The following ANKDD1A variants were observed in gnomAD, a reference collection of about 807,000 sequenced individuals.
ANKDD1A encodes ankyrin repeat and death domain containing 1A, also known as ankyrin repeat and death domain-containing protein 1A.
In ANKDD1A, 59 loss-of-function variants were observed where a neutral mutation model predicts 63.5. The ratio of observed to expected loss-of-function variants is 0.93; its 90% CI spans 0.75 to 1.15. ANKDD1A has a LOEUF of 1.15. Ranked by LOEUF, ANKDD1A falls within the 50% of genes most tolerant of loss-of-function variation. The probability of loss-of-function intolerance (pLI) is 0.00; values close to 1 mark genes in which losing one functional copy is unlikely to be tolerated. For missense variants in ANKDD1A, 632 were observed against 656.4 expected (o/e 0.96, Z 0.41); for synonymous variants, 266 against 263.9 (o/e 1.01, Z -0.08).
In ANKDD1A at chr15:64,931,556, G is replaced by T. The variant is rs780975996; in HGVS notation, c.739G>T (p.Ala247Ser). The T allele has an allele frequency of 1.2e-6, 2 of 1,614,022 alleles. No homozygotes were observed. The highest frequency in any genetic ancestry group is 1.7e-6 in the Non-Finnish European group (2 of 1,180,016). The change falls in exon 8 of 15, where the codon GCT becomes TCT. Residue 247 changes from alanine to serine, a missense_variant. Ala to Ser is a moderately conservative substitution (Grantham distance 99). Coordinates refer to ENST00000319580, the MANE Select transcript of ANKDD1A (RefSeq NM_182703.6). ...TGACTGTGTGCAGCTCCTCCTCAGG[G>T]CTGGGAGCACCGTGAATGCCCTCAC... ...HPDCVQLLLRAGSTVNALTQK... is the reference protein window; with the variant it reads ...HPDCVQLLLRSGSTVNALTQK...
intron 14 of ANKDD1A, among the ~76,000 whole-genome samples, chr15:64,955,874 A>G (rs1488745661): frequency 1.3e-5 from 2 of 152,220 alleles, no homozygotes; most frequent in African/African-American, 2.4e-5. Flanking sequence ...ATCCTACTCT[A>G]GGAATTTTTC....
intron 9 of ANKDD1A, among the ~76,000 whole-genome samples, chr15:64,936,676 C>A (rs2085135832): frequency 6.6e-6 from 1 of 151,850 alleles, no homozygotes; most frequent in African/African-American, 2.4e-5. Flanking sequence ...CCCGTATCTA[C>A]AAAAAATTTA....
chr15:64,922,073 A>G (rs903207768), intron 4 of ANKDD1A, 54 bp downstream of exon 4: 2 of 1,546,878 alleles, frequency 1.3e-6, no homozygotes, highest in African/African-American at 2.7e-5. Flanking sequence ...GCCTGGATGC[A>G]CAGGTCTCCC....
At chr15:64,927,882 C>T (rs1055883851) in intron 6 of ANKDD1A, among the ~76,000 whole-genome samples, 5 of 152,216 alleles carry the variant, frequency 3.3e-5, no homozygotes, top group East Asian at 1.9e-4. Flanking sequence ...TGGGATTACA[C>T]GCGTAAGCCA....
At chr15:64,930,734 C>G in intron 6 of ANKDD1A, 88 bp from the exon 7 acceptor site, 1 of 1,330,738 alleles carries the variant, frequency 7.5e-7, no homozygotes, top group Non-Finnish European at 1.0e-6. Flanking sequence ...GTGGCACTGA[C>G]CCAGTGTGCA....
chr15:64,923,497 T>A (rs1309006750), intron 4 of ANKDD1A, among the ~76,000 whole-genome samples: 1 of 152,188 alleles, frequency 6.6e-6, no homozygotes, highest in Non-Finnish European at 1.5e-5. Flanking sequence ...TTTTTTGCAT[T>A]TAAGTAAATA....
At position 64,951,371 on chromosome 15, in the gene ANKDD1A, TTC is replaced by T. The variant is rs1491067132; in HGVS notation, c.1483+1401_1483+1402del. On this transcript the variant is annotated intron_variant, in intron 14 of 14. Transcript: ENST00000319580. ...TCCTCTTCTTTCTTCTTCCTCTTTC[TTC>T]TTTCTTTTTCTTTTCTTCTTCCTCT... 35 of 445,610 alleles carry T rather than the reference TTC, an allele frequency of 7.9e-5. 2 individuals are homozygous for T. In the Middle Eastern group the frequency reaches 3.3e-3, roughly 42 times the overall value. 27.6% of individuals were successfully genotyped at this position (445,610 alleles called of 1,614,324 possible).
rs766001684 is a variant in ANKDD1A at position 64,915,829 on chromosome 15, G to A, written c.67G>A (p.Ala23Thr). The A allele has an allele frequency of 3.0e-5, 49 of 1,613,836 alleles. No individual in the cohort carries two copies. Among genetic ancestry groups the A allele is most frequent in the South Asian group, 8.8e-5 (8 of 91,074 alleles). The change falls in exon 2 of 15, where the codon GCC (alanine) becomes ACC (threonine). Residue 23 changes from alanine (A) to threonine (T), a missense_variant. Transcript: ENST00000319580. Reference sequence around the variant, plus strand: ...TCTGGAGAGGCAGCTCCACGAGGCCGCCCGCCAGAACAATGTCGGCAGGAT... The same window carrying A: ...TCTGGAGAGGCAGCTCCACGAGGCCACCCGCCAGAACAATGTCGGCAGGAT... ...LPLERQLHEA[A>T]RQNNVGRMQE... is the part of the protein sequence containing the mutation.
intron 4 of ANKDD1A, chr15:64,922,367 T>C (rs866271249): frequency 4.9e-6 from 1 of 206,062 alleles, no homozygotes; most frequent in Non-Finnish European, 9.7e-6. Context: ...AAAGCATCAT[T>C]TACCAAGTGT....
At chr15:64,916,180 G>A (rs867025760) in intron 2 of ANKDD1A, among the ~76,000 whole-genome samples, 33 of 152,200 alleles carry the variant, frequency 2.2e-4, no homozygotes, top group African/African-American at 8.0e-4. Context: ...AGAGGTTAGA[G>A]CCAGGAGGGC....
chr15:64,916,562 A>C (rs1379708715), intron 2 of ANKDD1A, among the ~76,000 whole-genome samples: 1 of 152,126 alleles, frequency 6.6e-6, no homozygotes, highest in African/African-American at 2.4e-5. Flanking sequence ...CCTGGACTCA[A>C]GCTGTCCTCC....
At position 64,917,533 on chromosome 15, in the gene ANKDD1A, G is replaced by GTCTA. The variant is rs1195409445; in HGVS notation, c.267+22_267+23insATCT. On this transcript the variant is annotated intron_variant, in intron 3 of 14. Transcript: ENST00000319580. Reference sequence around the variant, plus strand: ...TCTGTGTGTACGTGTCTGTCTGTCTGTCTGTCTCAGGGTGGTGGGGGGCAC... The same window carrying GTCTA: ...TCTGTGTGTACGTGTCTGTCTGTCTGTCTATCTGTCTCAGGGTGGTGGGGGGCAC... 17 of 1,553,284 alleles carry GTCTA rather than the reference G, an allele frequency of 1.1e-5. No individual in the cohort carries two copies. Among genetic ancestry groups the GTCTA allele is most frequent in the Non-Finnish European group, 1.4e-5 (16 of 1,147,564 alleles).
rs1424031151 is a variant in ANKDD1A at position 64,952,484 on chromosome 15, C to A, written c.1483+2512C>A. Among the ~76,000 whole-genome samples the A allele has an allele frequency of 2.1e-5, 3 of 145,938 alleles. No individual in the cohort carries two copies. In the South Asian group the frequency reaches 6.7e-4, roughly 33 times the overall value. On this transcript the variant is annotated intron_variant, in intron 14 of 14. Coordinates refer to ENST00000319580, the MANE Select transcript of ANKDD1A (RefSeq NM_182703.6). ...CTCCTTCTTCCTTCTCCTTCTTCTT[C>A]CTTCGTCACCGTCTTCTCCTTCTTC...
chr15:64,930,697 G>C lies in ANKDD1A; in HGVS notation c.571-125G>C, dbSNP rs2085082707. 4.7e-6 allele frequency: 4 copies of C among 846,016 alleles called. No individual in the cohort carries two copies. The South Asian group carries it at 7.1e-5, about 15-fold the overall frequency. The allele number at this position is 846,016 out of a possible 1,614,324, so 52.4% of individuals were successfully genotyped here. ...GCCCTTGAATCTGCCCCTGGTTATA[G>C]TTTTTGGCCCAGTTGTCAGGAGCAG... On this transcript the variant is annotated intron_variant, in intron 6 of 14. Transcript: ENST00000319580.
intron 14 of ANKDD1A, among the ~76,000 whole-genome samples, chr15:64,955,854 T>G (rs1285153959): frequency 6.6e-6 from 1 of 152,218 alleles, no homozygotes; most frequent in Non-Finnish European, 1.5e-5. Flanking sequence ...TTTTATCCAT[T>G]GGTCCAGCAA....
At position 64,958,455 on chromosome 15, in the gene ANKDD1A, T is replaced by C. The variant is rs185510395; in HGVS notation, c.*1267T>C. The C allele has an allele frequency of 6.6e-6, 1 of 152,174 alleles. No individual in the cohort carries two copies. Among genetic ancestry groups the C allele is most frequent in the African/African-American group, 2.4e-5 (1 of 41,512 alleles). 9.4% of individuals were successfully genotyped at this position (152,174 alleles called of 1,614,324 possible). A position where few individuals can be genotyped will look rare whatever the true frequency, so the allele number is the denominator to read the frequency against. ...CTCTCTGTGCTATCTGCTCAATTTT[T>C]CTCTAAACCTAAAACTGTTCTAAAA... On this transcript the variant is annotated 3_prime_UTR_variant, in exon 15 of 15. Transcript: ENST00000319580.
In ANKDD1A at chr15:64,942,519, T is replaced by C; in HGVS notation, c.920T>C (p.Val307Ala). Reference protein sequence around the residue: ...LAVRHNFPALVRLLINSDSDV... With the variant: ...LAVRHNFPALARLLINSDSDV... ...GTGAGGCACAACTTCCCTGCCTTGG[T>C]CCGGCTCCTCATCAACTCCGACAGT... Residue 307 changes from valine (V) to alanine (A), a missense_variant, in exon 10 of 15, where the codon GTC becomes GCC. Transcript: ENST00000319580. 1.2e-6 allele frequency: 2 copies of C among 1,613,934 alleles called. No homozygotes were observed. Among genetic ancestry groups the C allele is most frequent in the Middle Eastern group, 1.7e-4 (1 of 6,060 alleles).
At chr15:64,936,618 C>T (rs370485314) in intron 9 of ANKDD1A, among the ~76,000 whole-genome samples, 14 of 152,140 alleles carry the variant, frequency 9.2e-5, no homozygotes, top group South Asian at 2.1e-4. Flanking sequence ...GTGGGAGGAT[C>T]GCTTGAGTCC....
At chr15:64,940,442 A>G (rs979018970) in intron 9 of ANKDD1A, among the ~76,000 whole-genome samples, 1 of 149,066 alleles carries the variant, frequency 6.7e-6, no homozygotes, top group Non-Finnish European at 1.5e-5. Flanking sequence ...ATATATAGAT[A>G]TTTTTTTTGA....
Sources: allele counts gnomAD v4.1 joint callset (sites outside exome capture counted in the v4.1 genomes callset), GRCh38; gene constraint gnomAD v4.1.1; transcripts MANE v1.5; gene names NCBI Gene and HGNC (gene_info 2026-07-23, HGNC 2026-07-21).